The following PDE3B variants were observed in gnomAD, a reference collection of about 807,000 sequenced individuals.
The protein encoded by PDE3B is phosphodiesterase 3B.
PDE3B carries 66 observed loss-of-function variants against 116.8 expected under a neutral mutation model. The observed-to-expected ratio is 0.56, with a 90% confidence interval of 0.46 to 0.69. The LOEUF (loss-of-function observed/expected upper bound fraction) is 0.69. PDE3B is among the 30% of genes least tolerant of loss of function. The probability of loss-of-function intolerance (pLI) is 0.00; values close to 1 mark genes in which losing one functional copy is unlikely to be tolerated. For missense variants in PDE3B, 1,384 were observed against 1,368.1 expected (o/e 1.01, Z -0.18); for synonymous variants, 595 against 533.6 (o/e 1.12, Z -1.59).
intron 12 of PDE3B, among the ~76,000 whole-genome samples, chr11:14,854,252 T>G (rs1447681295): frequency 6.6e-6 from 1 of 152,258 alleles, no homozygotes; most frequent in Non-Finnish European, 1.5e-5. Flanking sequence ...TAAAACCCTA[T>G]GTTTACCTCC....
intron 1 of PDE3B, among the ~76,000 whole-genome samples, chr11:14,664,110 T>G (rs1590042624): frequency 6.6e-6 from 1 of 152,004 alleles, no homozygotes; most frequent in Non-Finnish European, 1.5e-5. Flanking sequence ...GGATTAAGAA[T>G]CTCACTCAAA....
intron 1 of PDE3B, chr11:14,699,372 C>A (rs1488826618): frequency 6.6e-6 from 1 of 151,758 alleles, no homozygotes; most frequent in Non-Finnish European, 1.5e-5. Flanking sequence ...TAAGATGAAT[C>A]TAGTACCTTA....
At chr11:14,787,461 A>G (rs1159777380) in intron 3 of PDE3B, among the ~76,000 whole-genome samples, 1 of 152,000 alleles carries the variant, frequency 6.6e-6, no homozygotes, top group Non-Finnish European at 1.5e-5. Flanking sequence ...AATTTTGTCA[A>G]TTGTAATAAT....
chr11:14,876,166 G>A (rs1205642802), downstream of PDE3B, among the ~76,000 whole-genome samples: 1 of 152,072 alleles, frequency 6.6e-6, no homozygotes, highest in Non-Finnish European at 1.5e-5. Context: ...TGAGAGATTT[G>A]CTGTATCAAA....
In PDE3B at chr11:14,771,932, T is replaced by C. The variant is rs1857655866; in HGVS notation, c.979-5T>C. 1 of 1,307,354 alleles carries C rather than the reference T, an allele frequency of 7.6e-7. No homozygotes were observed. The highest frequency in any genetic ancestry group is 1.0e-6 in the Non-Finnish European group (1 of 975,774). The allele number at this position is 1,307,354 out of a possible 1,614,324, so 81.0% of individuals were successfully genotyped here. A position where few individuals can be genotyped will look rare whatever the true frequency, so the allele number is the denominator to read the frequency against. On this transcript the variant is annotated splice_region_variant and splice_polypyrimidine_tract_variant and intron_variant, in intron 1 of 15. Coordinates refer to ENST00000282096, the MANE Select transcript of PDE3B (RefSeq NM_000922.4). ...GTTTGTAACCAAGTGAATTTTTTTTTCTAGATGATTCTTTGGGATTGGGAC... is the reference window on the plus strand; with the variant it reads ...GTTTGTAACCAAGTGAATTTTTTTTCCTAGATGATTCTTTGGGATTGGGAC...
intron 10 of PDE3B, among the ~76,000 whole-genome samples, chr11:14,834,644 GT>G (rs1437855118): frequency 6.6e-6 from 1 of 152,192 alleles, no homozygotes; most frequent in African/African-American, 2.4e-5. Flanking sequence ...GTACAAAACT[GT>G]TTTGTGTGCA....
intron 1 of PDE3B, chr11:14,700,917 G>A (rs1855341464): frequency 6.6e-6 from 1 of 151,750 alleles, no homozygotes; most frequent in South Asian, 2.1e-4. Flanking sequence ...TATTATCCAT[G>A]TTACATTTTA....
Position 14,752,965 on chromosome 11 carries a change from A to G in PDE3B, c.979-18972A>G, listed in dbSNP as rs75449413. Among the ~76,000 whole-genome samples, 367 of 152,170 alleles carry G rather than the reference A, an allele frequency of 2.4e-3. 2 individuals are homozygous for G. The highest frequency in any genetic ancestry group is 8.5e-3 in the African/African-American group (355 of 41,530). ...TTCCATTGCTTTGGGATGCTTATTC[A>G]GTGACCATAGCTAAACTGATAAACT... On this transcript the variant is annotated intron_variant, in intron 1 of 15. Coordinates refer to ENST00000282096, the MANE Select transcript of PDE3B (RefSeq NM_000922.4).
chr11:14,777,713 A>G (rs1028810924), intron 2 of PDE3B, among the ~76,000 whole-genome samples: 8 of 152,190 alleles, frequency 5.3e-5, no homozygotes, highest in South Asian at 4.1e-4. Context: ...TCCAGTCTAC[A>G]GCTCCCAGCA....
intron 1 of PDE3B, among the ~76,000 whole-genome samples, chr11:14,752,037 G>A (rs1227172480): frequency 6.6e-6 from 1 of 152,126 alleles, no homozygotes; most frequent in Non-Finnish European, 1.5e-5. Flanking sequence ...ACAAAAAGTG[G>A]ACTGAGGGAC....
intron 1 of PDE3B, among the ~76,000 whole-genome samples, chr11:14,712,108 C>T (rs1275121917): frequency 4.6e-5 from 7 of 152,152 alleles, no homozygotes; most frequent in Admixed American, 4.6e-4. Flanking sequence ...TTTTTAGAAA[C>T]AGGATCTTTC....
chr11:14,728,335 T>C (rs1856371438), intron 1 of PDE3B, among the ~76,000 whole-genome samples: 1 of 152,150 alleles, frequency 6.6e-6, no homozygotes, highest in African/African-American at 2.4e-5. Context: ...AAAATGTTTC[T>C]ACTGCTACAA....
At chr11:14,704,162 G>T (rs1855459174) in intron 1 of PDE3B, among the ~76,000 whole-genome samples, 1 of 151,568 alleles carries the variant, frequency 6.6e-6, no homozygotes, top group Admixed American at 6.6e-5. Context: ...ATGATAAAAA[G>T]TACCATATAG....
At chr11:14,710,614 A>G (rs976010396) in intron 1 of PDE3B, among the ~76,000 whole-genome samples, 3 of 152,198 alleles carry the variant, frequency 2.0e-5, no homozygotes, top group African/African-American at 7.2e-5. Context: ...GGCAACTACC[A>G]TCTAATTCCA....
At position 14,647,079 on chromosome 11, in the gene PDE3B, TAA is replaced by T. The variant is rs1251660507; in HGVS notation, c.978+2027_978+2028del. ...TTTATTTATGCTTGTTCCAGAAGTCTAACAGTGGATTTGTGCTTTTTGTTTGC... is the reference window on the plus strand; with the variant it reads ...TTTATTTATGCTTGTTCCAGAAGTCTCAGTGGATTTGTGCTTTTTGTTTGC... On this transcript the variant is annotated intron_variant, in intron 1 of 15. Coordinates refer to ENST00000282096, the MANE Select transcript of PDE3B (RefSeq NM_000922.4). 3.3e-5 allele frequency among the ~76,000 whole-genome samples: 5 copies of T among 152,020 alleles called. No homozygotes were observed. In the East Asian group the frequency reaches 9.6e-4, roughly 29 times the overall value.
At chr11:14,810,557 C>T (rs1402124010) in intron 5 of PDE3B, among the ~76,000 whole-genome samples, 2 of 151,904 alleles carry the variant, frequency 1.3e-5, no homozygotes, top group Admixed American at 1.3e-4. Flanking sequence ...TTTCTTCATC[C>T]AGTCTATCAT....
At chr11:14,733,242 A>T (rs543475882) in intron 1 of PDE3B, among the ~76,000 whole-genome samples, 2 of 152,244 alleles carry the variant, frequency 1.3e-5, no homozygotes, top group Non-Finnish European at 2.9e-5. Flanking sequence ...TTGAAAGATT[A>T]GGAGTGAATG....
intron 1 of PDE3B, among the ~76,000 whole-genome samples, chr11:14,656,498 G>A (rs1017293343): frequency 6.6e-6 from 1 of 152,108 alleles, no homozygotes; most frequent in Non-Finnish European, 1.5e-5. Context: ...ACTGTCTTTG[G>A]TATTTTCCTT....
intron 7 of PDE3B, among the ~76,000 whole-genome samples, chr11:14,825,473 A>C (rs1306874472): frequency 6.6e-6 from 1 of 152,230 alleles, no homozygotes; most frequent in Non-Finnish European, 1.5e-5. Context: ...AAATCAGGAA[A>C]AAGCAGAGGT....
Sources: allele counts gnomAD v4.1 joint callset (sites outside exome capture counted in the v4.1 genomes callset), GRCh38; gene constraint gnomAD v4.1.1; transcripts MANE v1.5; gene names NCBI Gene and HGNC (gene_info 2026-07-23, HGNC 2026-07-21).